THADA: variants seen among roughly 807,000 people sequenced by gnomAD.
The protein encoded by THADA is tRNA (32-2'-O)-methyltransferase regulator THADA.
Under a neutral mutation model 219.8 loss-of-function variants are expected in THADA, and 213 were observed. That is an observed-to-expected ratio of 0.97 (90% confidence interval 0.87 to 1.09). The LOEUF is 1.09. Among genes scored for constraint, THADA ranks in the 50% least tolerant of loss-of-function variants. The pLI is 0.00. For synonymous variants in THADA, 1,018 were observed against 828.9 expected (o/e 1.23, Z -3.92); for missense variants, 2,956 against 2,311.3 (o/e 1.28, Z -5.72).
intron 31 of THADA, among the ~76,000 whole-genome samples, chr2:43,304,715 A>G (rs1337417287): frequency 2.1e-5 from 3 of 142,894 alleles, no homozygotes; most frequent in African/African-American, 5.5e-5. Flanking sequence ...TCTGTTGCCC[A>G]GGCTGGAGTG....
At chr2:43,369,901 T>A (rs1670602999) in intron 29 of THADA, among the ~76,000 whole-genome samples, 1 of 152,242 alleles carries the variant, frequency 6.6e-6, no homozygotes, top group African/African-American at 2.4e-5. Context: ...AAATTAACAC[T>A]ATGTGATTCT....
At chr2:43,413,795 C>T (rs1185388204) in intron 28 of THADA, among the ~76,000 whole-genome samples, 1 of 152,186 alleles carries the variant, frequency 6.6e-6, no homozygotes, top group Non-Finnish European at 1.5e-5. Context: ...CACAGTCCCA[C>T]AGTTCTTAAA....
intron 26 of THADA, among the ~76,000 whole-genome samples, chr2:43,459,201 T>C (rs1181863003): frequency 1.3e-5 from 2 of 152,206 alleles, no homozygotes; most frequent in African/African-American, 4.8e-5. Flanking sequence ...CTGCCCTCTC[T>C]GTACCCTGTG....
chr2:43,471,957 C>T (rs1684958838), intron 26 of THADA, among the ~76,000 whole-genome samples: 1 of 152,156 alleles, frequency 6.6e-6, no homozygotes, highest in African/African-American at 2.4e-5. Flanking sequence ...CACACAAACC[C>T]ACTCAAGACT....
intron 36 of THADA, among the ~76,000 whole-genome samples, chr2:43,276,696 G>T (rs1228947844): frequency 6.6e-6 from 1 of 152,128 alleles, no homozygotes; most frequent in African/African-American, 2.4e-5. Flanking sequence ...GCAGATAAAG[G>T]TCTCCCTTTG....
At chr2:43,533,232 G>A (rs976242471) in intron 21 of THADA, among the ~76,000 whole-genome samples, 4 of 152,184 alleles carry the variant, frequency 2.6e-5, no homozygotes, top group Admixed American at 1.3e-4. Context: ...TAAAAAGTCT[G>A]GAAACAACAG....
chr2:43,541,508 T>G (rs1469504249), intron 20 of THADA, among the ~76,000 whole-genome samples, 192 bp from the exon 21 acceptor site: 1 of 152,094 alleles, frequency 6.6e-6, no homozygotes, highest in East Asian at 1.9e-4. Context: ...ATGCTAAGTT[T>G]TTTTTTTTTT....
intron 14 of THADA, among the ~76,000 whole-genome samples, chr2:43,567,524 G>A (rs1179248275): frequency 6.6e-6 from 1 of 152,162 alleles, no homozygotes; most frequent in Non-Finnish European, 1.5e-5. Context: ...CTACTCGGGA[G>A]GCTGAGGCAG....
intron 31 of THADA, among the ~76,000 whole-genome samples, chr2:43,306,272 A>G (rs1298482285): frequency 6.6e-6 from 1 of 152,122 alleles, no homozygotes; most frequent in African/African-American, 2.4e-5. Flanking sequence ...TTGGCCTCCC[A>G]AAGTGTTGGT....
chr2:43,556,555 C>G lies in THADA; in HGVS notation c.2464G>C (p.Asp822His), dbSNP rs1349985479. Residue 822 changes from aspartate to histidine, a missense_variant and splice_region_variant, in exon 17 of 38, where the codon GAT (aspartate) becomes CAT (histidine). By Grantham distance (81) the Asp-to-His change is moderately conservative. Transcript: ENST00000405975. ...KLSKTAVHFQ[D>H]SGKLQGLFQA... ...AATAAGCCTTGCAGTTTCCCCGAATCCTAGAATAAAGCGCAGACTCAGTAA... is the reference window on the plus strand; with the variant it reads ...AATAAGCCTTGCAGTTTCCCCGAATGCTAGAATAAAGCGCAGACTCAGTAA... 6.2e-7 allele frequency: 1 copy of G among 1,613,090 alleles called. No individual in the cohort carries two copies. The highest frequency in any genetic ancestry group is 8.5e-7 in the Non-Finnish European group (1 of 1,179,434).
intron 36 of THADA, among the ~76,000 whole-genome samples, chr2:43,249,667 T>C (rs1415024490): frequency 1.3e-5 from 2 of 152,206 alleles, no homozygotes; most frequent in Admixed American, 6.5e-5. Flanking sequence ...GTACCAGCCA[T>C]GGGTATTTTA....
intron 36 of THADA, among the ~76,000 whole-genome samples, chr2:43,268,162 T>G (rs916347819): frequency 1.3e-5 from 2 of 152,198 alleles, no homozygotes; most frequent in Non-Finnish European, 2.9e-5. Flanking sequence ...ACCCAATTAC[T>G]GAAATACAGC....
chr2:43,527,980 T>C lies in THADA; in HGVS notation c.3273A>G (p.Glu1091=). The C allele has an allele frequency of 6.2e-7, 1 of 1,606,182 alleles. No individual in the cohort carries two copies. The highest frequency in any genetic ancestry group is 8.5e-7 in the Non-Finnish European group (1 of 1,177,126). ...GGTGTTGTTTAAAGTAATCTCCTAT[T>C]TCTTTTACCTTTAAAAAAAAAGCAA... is the stretch of plus-strand genomic sequence containing the variant. The part of the protein sequence containing the change: ...DGLLTVEQVK[E]IGDYFKQHLL... Residue 1091 remains glutamate, a synonymous_variant, in exon 22 of 38, where the codon GAA becomes GAG. Transcript: ENST00000405975.
intron 22 of THADA, among the ~76,000 whole-genome samples, chr2:43,513,946 G>A (rs926072104): frequency 2.0e-5 from 3 of 151,664 alleles, no homozygotes; most frequent in Non-Finnish European, 2.9e-5. Context: ...TGTAGTCTCA[G>A]CAACTCAGGA....
chr2:43,333,876 G>T (rs1436467435), intron 30 of THADA, among the ~76,000 whole-genome samples: 5 of 152,240 alleles, frequency 3.3e-5, no homozygotes, highest in Non-Finnish European at 7.3e-5. Context: ...AGGGATTTGG[G>T]AAGGAGCTAA....
At chr2:43,563,503 AATTCTAT>A (rs1468610040) in intron 15 of THADA, 1 of 152,168 alleles carries the variant, frequency 6.6e-6, no homozygotes, top group African/African-American at 2.4e-5. Flanking sequence ...AATATACACA[AATTCTAT>A]GTATTACTTG....
chr2:43,540,903 GAT>G (rs1207878371), intron 21 of THADA, among the ~76,000 whole-genome samples: 1 of 152,052 alleles, frequency 6.6e-6, no homozygotes, highest in Non-Finnish European at 1.5e-5. Flanking sequence ...AAAAATTAGA[GAT>G]AAAACTACAG....
At chr2:43,294,080 T>G (rs1675070778) in intron 31 of THADA, among the ~76,000 whole-genome samples, 1 of 152,260 alleles carries the variant, frequency 6.6e-6, no homozygotes, top group African/African-American at 2.4e-5. Flanking sequence ...ACTCAGTACT[T>G]AAGCCAAGAT....
intron 26 of THADA, among the ~76,000 whole-genome samples, chr2:43,483,560 C>CT (rs1161621287): frequency 6.6e-6 from 1 of 152,052 alleles, no homozygotes; most frequent in Non-Finnish European, 1.5e-5. Context: ...TTCCTATTTC[C>CT]TTTTTTCTAG....
Sources: gnomAD v4.1 joint callset for allele counts (sites outside exome capture counted in the v4.1 genomes callset) on GRCh38, gnomAD v4.1.1 for gene constraint, MANE v1.5 for transcripts, NCBI Gene and HGNC (gene_info 2026-07-23, HGNC 2026-07-21) for gene names.